The following GPLD1 variants were observed in gnomAD, a reference collection of about 807,000 sequenced individuals.
The protein encoded by GPLD1 is phosphatidylinositol-glycan-specific phospholipase D.
A neutral mutation model predicts 112.6 loss-of-function variants in GPLD1; 84 were observed. The observed-to-expected ratio is 0.75, with a 90% CI of 0.63 to 0.89. GPLD1 has a LOEUF of 0.89. Ranked by LOEUF, GPLD1 falls within the 40% of genes least tolerant of loss-of-function variation. The pLI, the probability that GPLD1 is intolerant of heterozygous loss-of-function variation, is 0.00. For missense variants in GPLD1, 1,044 were observed against 1,051.5 expected, an observed-to-expected ratio of 0.99 and a Z score of 0.10; for synonymous variants, 386 against 403.8, an observed-to-expected ratio of 0.96 and a Z score of 0.53.
chr6:24,486,234 T>G, intron 1 of GPLD1, 104 bp from the exon 2 acceptor site: 1 of 733,182 alleles, frequency 1.4e-6, no homozygotes. Context: ...TGGTTATAAC[T>G]GTCAAGGACG....
intron 7 of GPLD1, 65 bp from the exon 8 acceptor site, chr6:24,467,339 G>A: frequency 1.2e-6 from 1 of 862,096 alleles, no homozygotes; most frequent in Non-Finnish European, 2.0e-6. Flanking sequence ...AACAACAGCA[G>A]CAGCAGCTAC....
At position 24,448,214 on chromosome 6, in the gene GPLD1, T is replaced by A; in HGVS notation, c.1447-6A>T. ...AAGTAGACATACACGGCACCCTAGA[T>A]AAGGACAAACAGCAGATAGACATGA... On this transcript the variant is annotated splice_polypyrimidine_tract_variant and splice_region_variant and intron_variant, in intron 15 of 24. Transcript: ENST00000230036. The A allele has an allele frequency of 6.3e-7, 1 of 1,596,528 alleles. No individual in the cohort carries two copies. The highest frequency in any genetic ancestry group is 8.6e-7 in the Non-Finnish European group (1 of 1,168,314).
At chr6:24,494,932 G>T in intron 1 of GPLD1, 2 of 1,263,844 alleles carry the variant, frequency 1.6e-6, no homozygotes, top group South Asian at 3.5e-5. Flanking sequence ...GCTTCCCCGC[G>T]ACCCCTGCGT....
intron 19 of GPLD1, 42 bp from the exon 20 acceptor site, chr6:24,445,681 T>C (rs1416754587): frequency 6.2e-7 from 1 of 1,600,228 alleles, no homozygotes; most frequent in Admixed American, 1.7e-5. Flanking sequence ...GTGAGAAAAC[T>C]TCCTTGGAGT....
In GPLD1 at chr6:24,494,896, G is replaced by GTCCCCGGCGCCTCCTCGCTCCTCTTGCT. The variant is rs1374842874; in HGVS notation, n.239+43_239+70dup. 3.3e-6 allele frequency: 4 copies of GTCCCCGGCGCCTCCTCGCTCCTCTTGCT among 1,194,590 alleles called. No homozygotes were observed. In the African/African-American group the frequency reaches 6.3e-5, roughly 19 times the overall value. 74.0% of individuals were successfully genotyped at this position (1,194,590 alleles called of 1,614,324 possible). A position where few individuals can be genotyped will look rare whatever the true frequency, so the allele number is the denominator to read the frequency against. ...GCCAGCTCCCACGCTTTCCCCGCGCGTCCCCGGCGCCTCCTCGCTCCTCTT... is the reference window on the plus strand; with the variant it reads ...GCCAGCTCCCACGCTTTCCCCGCGCGTCCCCGGCGCCTCCTCGCTCCTCTTGCTTCCCCGGCGCCTCCTCGCTCCTCTT... On this transcript the variant is annotated intron_variant and non_coding_transcript_variant, in intron 1 of 10. Coordinates refer to the GPLD1 transcript ENST00000474784.
Position 24,436,665 on chromosome 6 carries a change from G to C in GPLD1, c.2269C>G (p.Arg757Gly), listed in dbSNP as rs573942706. 2.5e-6 allele frequency: 4 copies of C among 1,613,696 alleles called. No individual in the cohort carries two copies. The highest frequency in any genetic ancestry group is 1.1e-5 in the South Asian group (1 of 91,064). ...TCTTTGCCATTATATACATATACTCGGCCGTCTTCTCCCCCAATCAGTCCA... is the reference window on the plus strand; with the variant it reads ...TCTTTGCCATTATATACATATACTCCGCCGTCTTCTCCCCCAATCAGTCCA... Reference protein sequence around the residue: ...TSGLIGGEDGRVYVYNGKETT... With the variant: ...TSGLIGGEDGGVYVYNGKETT... The change falls in exon 22 of 25, where the codon CGA becomes GGA. Residue 757 changes from arginine to glycine, a missense_variant. Coordinates refer to ENST00000230036, the MANE Select transcript of GPLD1 (RefSeq NM_001503.4).
At chr6:24,475,899 CA>C (rs1763999361) in intron 4 of GPLD1, among the ~76,000 whole-genome samples, 1 of 139,708 alleles carries the variant, frequency 7.2e-6, no homozygotes, top group African/African-American at 2.5e-5. Context: ...CACACACACA[CA>C]AAACCATAAG....
chr6:24,443,171 G>A (rs1323983282), intron 20 of GPLD1, among the ~76,000 whole-genome samples: 1 of 152,128 alleles, frequency 6.6e-6, no homozygotes, highest in African/African-American at 2.4e-5. Flanking sequence ...GAAGGAGGAC[G>A]AACGTAGAAA....
chr6:24,437,397 C>T (rs909247037), intron 20 of GPLD1, 108 bp from the exon 21 acceptor site: 2 of 1,075,296 alleles, frequency 1.9e-6, no homozygotes, highest in South Asian at 1.5e-5. Context: ...TCCTACAGGA[C>T]AGTCGGTTTC....
chr6:24,487,166 A>G (rs1295772358), intron 1 of GPLD1, among the ~76,000 whole-genome samples: 1 of 152,240 alleles, frequency 6.6e-6, no homozygotes, highest in African/African-American at 2.4e-5. Flanking sequence ...GTCACAACCC[A>G]CAAATACAAA....
intron 7 of GPLD1, among the ~76,000 whole-genome samples, chr6:24,471,904 T>C (rs1432286533): frequency 6.6e-6 from 1 of 152,130 alleles, no homozygotes. Flanking sequence ...ATTTCTTAAA[T>C]AAGACATCAG....
At chr6:24,424,839 G>A (rs977260074), downstream of GPLD1, 1 of 152,170 alleles carries the variant, frequency 6.6e-6, no homozygotes, top group African/African-American at 2.4e-5. Context: ...TGTCATATGA[G>A]GAAGTTTAGG....
chr6:24,448,246 G>C (rs752486305), intron 15 of GPLD1, 38 bp from the exon 16 acceptor site: 3 of 1,378,914 alleles, frequency 2.2e-6, no homozygotes, highest in Non-Finnish European at 3.1e-6. Flanking sequence ...ATGAGGCTCT[G>C]GTGGTGACCC....
intron 7 of GPLD1, among the ~76,000 whole-genome samples, chr6:24,467,600 G>T (rs1763661244): frequency 6.6e-6 from 1 of 152,144 alleles, no homozygotes; most frequent in African/African-American, 2.4e-5. Context: ...AAAAAGAGTG[G>T]TTAATTTTGT....
intron 22 of GPLD1, chr6:24,435,824 C>CAAAAACAAAAAAAAAA (rs1762556757): frequency 3.0e-5 from 1 of 32,898 alleles, no homozygotes; most frequent in Admixed American, 4.1e-4. Context: ...GACGCTGTCT[C>CAAAAACAAAAAAAAAA]AAAAAAAAAA....
chr6:24,426,581 A>G lies in GPLD1; in HGVS notation c.*2451T>C, dbSNP rs1457627173. ...ATAAATCGTGAGGTAAATAATGGTC[A>G]TGTTTAAACAGAGGCCTTATCATTT... On this transcript the variant is annotated 3_prime_UTR_variant, in exon 25 of 25. Transcript: ENST00000230036. Among the ~76,000 whole-genome samples, 1 of 152,210 alleles carries G rather than the reference A, an allele frequency of 6.6e-6. No individual in the cohort carries two copies. The highest frequency in any genetic ancestry group is 1.5e-5 in the Non-Finnish European group (1 of 68,032).
intron 2 of GPLD1, among the ~76,000 whole-genome samples, chr6:24,484,191 T>A (rs7742675): frequency 0.18 from 27,045 of 150,842 alleles, 2,770 homozygotes; most frequent in African/African-American, 0.28. Context: ...CTGGGATTAC[T>A]GACGTGAGCC....
At chr6:24,436,058 C>A (rs1762569806) in intron 22 of GPLD1, among the ~76,000 whole-genome samples, 1 of 151,868 alleles carries the variant, frequency 6.6e-6, no homozygotes, top group South Asian at 2.1e-4. Flanking sequence ...GAGTTCAATA[C>A]CAGCCTGGGC....
At chr6:24,433,638 G>A (rs748123018) in intron 22 of GPLD1, 5 of 390,438 alleles carry the variant, frequency 1.3e-5, no homozygotes, top group East Asian at 5.1e-5. Context: ...AATTACAGGC[G>A]CCCACCACCA....
Sources: gnomAD v4.1 joint callset for allele counts (sites outside exome capture counted in the v4.1 genomes callset) on GRCh38, gnomAD v4.1.1 for gene constraint, MANE v1.5 for transcripts, NCBI Gene and HGNC (gene_info 2026-07-23, HGNC 2026-07-21) for gene names.